The following ADAP1 variants were observed in gnomAD, a reference collection of about 807,000 sequenced individuals.
ADAP1 encodes arf-GAP with dual PH domain-containing protein 1.
Under a neutral mutation model 54.9 loss-of-function variants are expected in ADAP1, and 31 were observed. The ratio of observed to expected loss-of-function variants is 0.56; its 90% CI spans 0.42 to 0.76. The LOEUF (loss-of-function observed/expected upper bound fraction) is 0.76. ADAP1 is among the 30% of genes least tolerant of loss of function. The pLI is 0.00. For missense variants in ADAP1, 535 were observed against 512.4 expected (o/e 1.04, Z -0.42); for synonymous variants, 313 against 202.6 (o/e 1.55, Z -4.63).
chr7:927,659 C>T (rs1466441418), intron 2 of ADAP1: 1 of 352,478 alleles, frequency 2.8e-6, no homozygotes, highest in African/African-American at 2.2e-5. Context: ...AATGGCTTTT[C>T]CATAGAAAAC....
intron 1 of ADAP1, among the ~76,000 whole-genome samples, chr7:953,812 T>C (rs2128114005): frequency 6.6e-6 from 1 of 151,870 alleles, no homozygotes; most frequent in East Asian, 2.0e-4. Flanking sequence ...GGGCGGCGGG[T>C]GGACCAGGAC....
intron 2 of ADAP1, among the ~76,000 whole-genome samples, chr7:932,997 C>T (rs990474956): frequency 6.6e-6 from 1 of 152,176 alleles, no homozygotes; most frequent in Non-Finnish European, 1.5e-5. Flanking sequence ...CTCAGCCAGG[C>T]ATGGTGGCTC....
chr7:915,511 G>A (rs542703655), intron 4 of ADAP1, among the ~76,000 whole-genome samples: 3 of 152,208 alleles, frequency 2.0e-5, no homozygotes, highest in South Asian at 2.1e-4. Flanking sequence ...CTTGGGCTCC[G>A]ACCCTGCGAG....
At chr7:906,561 GGAAAGGAGAAAGGGAAAGGAGAAAGGA>G (rs1454229593) in intron 4 of ADAP1, among the ~76,000 whole-genome samples, 1 of 26,384 alleles carries the variant, frequency 3.8e-5, no homozygotes, top group Non-Finnish European at 7.2e-5. Context: ...AGGGAGAAAG[GGAAAGGAGAAAGGGAAAGGAGAAAGGA>G]GAAAGGAGAA....
rs779711304 is a variant in ADAP1 at position 900,628 on chromosome 7, G to GGCAGGCAAAA, written c.649-13_649-12insTTTTGCCTGC. 2 of 1,603,438 alleles carry GGCAGGCAAAA rather than the reference G, an allele frequency of 1.2e-6. No homozygotes were observed. Among genetic ancestry groups the GGCAGGCAAAA allele is most frequent in the East Asian group, 2.2e-5 (1 of 44,574 alleles). ...CAGTCCACAATCTCCTAGGGGCAAA[G>GGCAGGCAAAA]GTGGGCACAGGCTTGGGCTGAGGAG... On this transcript the variant is annotated splice_polypyrimidine_tract_variant and intron_variant, in intron 6 of 10. Coordinates refer to ENST00000265846, the MANE Select transcript of ADAP1 (RefSeq NM_006869.4).
At chr7:935,531 G>A (rs377211219) in intron 1 of ADAP1, 26 bp from the exon 2 acceptor site, 12 of 1,556,194 alleles carry the variant, frequency 7.7e-6, no homozygotes, top group Admixed American at 3.9e-5. Flanking sequence ...GGACGTTCAC[G>A]GAGGCTCAGC....
intron 6 of ADAP1, among the ~76,000 whole-genome samples, chr7:903,553 G>A (rs1462244393): frequency 6.6e-6 from 1 of 152,168 alleles, no homozygotes; most frequent in South Asian, 2.1e-4. Context: ...AAGAGGCTGG[G>A]CCCACCGCTG....
In ADAP1 at chr7:946,737, C is replaced by T. The variant is rs548558906; in HGVS notation, c.82+7659G>A. On this transcript the variant is annotated intron_variant, in intron 1 of 10. Transcript: ENST00000265846. The surrounding 1 kb of genome is among the most constrained non-coding windows in gnomAD (Gnocchi z 4.3). The stretch of plus-strand genomic sequence containing the variant: ...CGCACAGGGCCGACTCCTCTGCGGC[C>T]CATCTGGTCTCTCGGCTGTCAAACC... Among the ~76,000 whole-genome samples the T allele has an allele frequency of 1.3e-5, 2 of 152,274 alleles. No homozygotes were observed. The highest frequency in any genetic ancestry group is 2.9e-5 in the Non-Finnish European group (2 of 68,048).
intron 6 of ADAP1, among the ~76,000 whole-genome samples, chr7:902,040 G>A (rs1418944531): frequency 2.0e-5 from 3 of 152,124 alleles, no homozygotes; most frequent in African/African-American, 7.2e-5. Flanking sequence ...GGCTGCAGCG[G>A]AAACTCCCTC....
rs148868437 is a variant in ADAP1, at chr7:900,441, C to T, written c.732+92G>A. The stretch of plus-strand genomic sequence containing the variant: ...GTCCCAGGCCCACCCTAGGGCTCAA[C>T]ATCATCCCAGACTCAGGGCACGAGG... On this transcript the variant is annotated intron_variant, in intron 7 of 10. Transcript: ENST00000265846. The T allele has an allele frequency of 2.9e-4, 403 of 1,372,968 alleles. No individual in the cohort carries two copies. The African/African-American group carries it at 4.8e-3, about 17-fold the overall frequency. The allele number at this position is 1,372,968 out of a possible 1,614,324, so 85.0% of individuals were successfully genotyped here.
chr7:919,507 ACT>A (rs1324815205), intron 4 of ADAP1, among the ~76,000 whole-genome samples: 13 of 149,616 alleles, frequency 8.7e-5, no homozygotes, highest in African/African-American at 3.0e-4. Context: ...GTTAATAATG[ACT>A]CTGTCCACAC....
intron 1 of ADAP1, among the ~76,000 whole-genome samples, chr7:943,205 AGT>A (rs1847020677): frequency 1.7e-5 from 1 of 59,168 alleles, no homozygotes; most frequent in African/African-American, 7.0e-5. Flanking sequence ...GGAGGAAGGG[AGT>A]GAGGAGGAGG....
intron 4 of ADAP1, chr7:905,385 A>AGAAAGGGAAAGGAGAAAGG: frequency 4.2e-6 from 1 of 239,720 alleles, no homozygotes; most frequent in Non-Finnish European, 6.8e-6. Context: ...AGGAGAAAGG[A>AGAAAGGGAAAGGAGAAAGG]GAAAGGAGAA....
In ADAP1 at chr7:921,977, T is replaced by G. The variant is rs148795861; in HGVS notation, c.306-1927A>C. Reference sequence around the variant, plus strand: ...CCGCACACAAGGGCATCCCAGGGCCTGGCACAGAAGCTTCCAGAAGCAGCA... The same window carrying G: ...CCGCACACAAGGGCATCCCAGGGCCGGGCACAGAAGCTTCCAGAAGCAGCA... On this transcript the variant is annotated intron_variant, in intron 3 of 10. Transcript: ENST00000265846. Among the ~76,000 whole-genome samples the G allele has an allele frequency of 1.5e-3, 225 of 152,278 alleles. 3 individuals carry two copies. The highest frequency in any genetic ancestry group is 4.9e-3 in the African/African-American group (205 of 41,552).
At chr7:924,919 T>C (rs1006967205) in intron 3 of ADAP1, among the ~76,000 whole-genome samples, 1 of 151,364 alleles carries the variant, frequency 6.6e-6, no homozygotes, top group African/African-American at 2.4e-5. Context: ...CAGGGCAGGG[T>C]TCCCCTGTGA....
intron 4 of ADAP1, among the ~76,000 whole-genome samples, chr7:911,445 C>A (rs1275736520): frequency 1.3e-5 from 2 of 152,192 alleles, no homozygotes; most frequent in African/African-American, 4.8e-5. Flanking sequence ...TACCCCCCTC[C>A]CCAAGCCCCA....
rs1035483153 is a variant in ADAP1, at chr7:899,188, G to A, written c.941C>T (p.Pro314Leu). The A allele has an allele frequency of 8.1e-6, 13 of 1,612,280 alleles. No homozygotes were observed. Among genetic ancestry groups the A allele is most frequent in the East Asian group, 4.5e-5 (2 of 44,894 alleles). The change falls in exon 10 of 11, where the codon CCG (proline) becomes CTG (leucine). Residue 314 changes from proline (P) to leucine (L), a missense_variant. Transcript: ENST00000265846. ...TGGCCAGTGGTGGCCCTGGGTGGAC[G>A]GCGGGAACCCATGCAGCACCGTGTA... ...SGYTVLHGFP[P>L]STQGHHWPHG... is the part of the protein sequence containing the mutation.
At chr7:911,441 C>T (rs1477705187) in intron 4 of ADAP1, among the ~76,000 whole-genome samples, 1 of 152,208 alleles carries the variant, frequency 6.6e-6, no homozygotes, top group Non-Finnish European at 1.5e-5. Flanking sequence ...AGGGTACCCC[C>T]CTCCCCAAGC....
rs148816515 is a variant in ADAP1 at position 948,799 on chromosome 7, C to T, written c.82+5597G>A. Among the ~76,000 whole-genome samples, 967 of 152,246 alleles carry T rather than the reference C, an allele frequency of 6.4e-3. 14 individuals are homozygous for T. The highest frequency in any genetic ancestry group is 0.022 in the Admixed American group (332 of 15,294). ...GCAACCTCTGCCTACCAGGTTCGAG[C>T]GATTCTCCCACCTCAACCTCCCGAG... On this transcript the variant is annotated intron_variant, in intron 1 of 10. Transcript: ENST00000265846.
Sources: allele counts gnomAD v4.1 joint callset (sites outside exome capture counted in the v4.1 genomes callset), GRCh38; gene constraint gnomAD v4.1.1; non-coding constraint Gnocchi (gnomAD v3.1); transcripts MANE v1.5; gene names NCBI Gene and HGNC (gene_info 2026-07-23, HGNC 2026-07-21).